OTUD7A: variants seen among roughly 807,000 people sequenced by gnomAD.
OTUD7A encodes the protein OTU domain-containing protein 7A.
In OTUD7A, 12 loss-of-function variants were observed where a neutral mutation model predicts 65.7. The ratio of observed to expected loss-of-function variants is 0.18; its 90% CI spans 0.12 to 0.30. The LOEUF (loss-of-function observed/expected upper bound fraction) is 0.30, where lower values mean the gene tolerates loss of function less well. OTUD7A is among the 10% of genes least tolerant of loss of function. OTUD7A has a pLI of 1.00. For synonymous variants in OTUD7A, 641 were observed against 586.3 expected, an observed-to-expected ratio of 1.09 and a Z score of -1.35; for missense variants, 1,148 against 1,304.8, an observed-to-expected ratio of 0.88 and a Z score of 1.85.
chr15:31,700,428 C>T (rs943828914), intron 1 of OTUD7A, among the ~76,000 whole-genome samples: 18 of 151,940 alleles, frequency 1.2e-4, no homozygotes, highest in Non-Finnish European at 2.4e-4. Flanking sequence ...GCCTTCCTTG[C>T]AAAACTTACC....
intron 3 of OTUD7A, among the ~76,000 whole-genome samples, chr15:31,604,832 T>C (rs1385166811): frequency 6.6e-6 from 1 of 152,126 alleles, no homozygotes; most frequent in Admixed American, 6.5e-5. Flanking sequence ...TCAGGGCTTG[T>C]GGCAAAGCTG....
At chr15:31,789,932 C>T (rs1895770918) in intron 1 of OTUD7A, among the ~76,000 whole-genome samples, 1 of 152,152 alleles carries the variant, frequency 6.6e-6, no homozygotes, top group South Asian at 2.1e-4. Flanking sequence ...CCTACCTGCC[C>T]ATCACTGCCA....
chr15:31,660,097 C>A (rs186551841), intron 1 of OTUD7A, among the ~76,000 whole-genome samples: 3 of 152,284 alleles, frequency 2.0e-5, no homozygotes. Flanking sequence ...GGCAAATGTA[C>A]TGTTCTGGTA....
intron 1 of OTUD7A, among the ~76,000 whole-genome samples, chr15:31,692,749 A>G (rs1395210262): frequency 1.3e-5 from 2 of 151,174 alleles, no homozygotes; most frequent in Non-Finnish European, 2.9e-5. Flanking sequence ...GACCCAGCTC[A>G]AATGCCATGT....
At chr15:31,534,614 C>CT (rs1288161954) in intron 5 of OTUD7A, among the ~76,000 whole-genome samples, 2 of 152,180 alleles carry the variant, frequency 1.3e-5, no homozygotes, top group African/African-American at 4.8e-5. Context: ...AGAGATAACA[C>CT]TATTCTTCTT....
At chr15:31,866,002 T>C (rs4383101) in intron 1 of OTUD7A, among the ~76,000 whole-genome samples, 89,856 of 152,104 alleles carry the variant, frequency 0.59, 26,883 homozygotes, top group East Asian at 0.69. Flanking sequence ...ATAGAAAATA[T>C]TTCCTTGGAA....
At chr15:31,505,536 T>C (rs1179196990) in intron 8 of OTUD7A, among the ~76,000 whole-genome samples, 1 of 152,160 alleles carries the variant, frequency 6.6e-6, no homozygotes, top group Non-Finnish European at 1.5e-5. Flanking sequence ...TCTATTTTAC[T>C]TTTTACAATT....
rs145581747 is a variant in OTUD7A at position 31,796,142 on chromosome 15, CGTGTGTGTGT to C, written c.-100+74355_-100+74364del. 6.1e-5 allele frequency among the ~76,000 whole-genome samples: 9 copies of C among 148,134 alleles called. No individual in the cohort carries two copies. The East Asian group carries it at 1.8e-3, about 29-fold the overall frequency. ...AGAGAAGCAGAACCAGTAAGGGGTG[CGTGTGTGTGT>C]GTGTGTGTGTGTGTATCTATGTATG... On this transcript the variant is annotated intron_variant, in intron 1 of 12. Transcript: ENST00000307050.
intron 4 of OTUD7A, among the ~76,000 whole-genome samples, chr15:31,561,555 C>T (rs1043686424): frequency 5.9e-5 from 9 of 152,126 alleles, no homozygotes; most frequent in Middle Eastern, 3.2e-3. Context: ...CCACATGAGA[C>T]ACTTCGATGG....
At chr15:31,766,456 A>G (rs1895097102) in intron 1 of OTUD7A, 2 of 1,587,536 alleles carry the variant, frequency 1.3e-6, no homozygotes, top group East Asian at 2.2e-5. Context: ...GCTGGAAGTA[A>G]AGAGTCTTCT....
intron 1 of OTUD7A, among the ~76,000 whole-genome samples, chr15:31,731,012 G>A (rs1323120907): frequency 7.2e-5 from 11 of 152,176 alleles, no homozygotes; most frequent in Admixed American, 5.9e-4. Context: ...TAAATCCAAG[G>A]TCCTCTCTTC....
chr15:31,765,247 T>A (rs1448113934), intron 1 of OTUD7A, among the ~76,000 whole-genome samples: 12 of 152,010 alleles, frequency 7.9e-5, no homozygotes, highest in Admixed American at 7.9e-4. Context: ...TATATATAAA[T>A]AGATCAAAAG....
intron 1 of OTUD7A, among the ~76,000 whole-genome samples, chr15:31,682,403 T>C (rs1026327208): frequency 6.6e-6 from 1 of 152,200 alleles, no homozygotes; most frequent in Middle Eastern, 3.4e-3. Context: ...TAAATCTATA[T>C]AGAAAGATAA....
At chr15:31,641,700 T>A (rs939839321) in intron 3 of OTUD7A, among the ~76,000 whole-genome samples, 9 of 152,200 alleles carry the variant, frequency 5.9e-5, no homozygotes, top group African/African-American at 1.9e-4. Flanking sequence ...AAATTTATTT[T>A]AAAAAATAAT....
chr15:31,745,510 C>T (rs888416738), intron 1 of OTUD7A, among the ~76,000 whole-genome samples: 1 of 152,082 alleles, frequency 6.6e-6, no homozygotes, highest in African/African-American at 2.4e-5. Context: ...ACTTCAATTC[C>T]TACCTAATGC....
intron 1 of OTUD7A, among the ~76,000 whole-genome samples, chr15:31,688,488 G>A (rs2455705): frequency 0.9 from 136,308 of 151,662 alleles, 62,550 homozygotes; most frequent in East Asian, 1. Context: ...AAAAAGAGGC[G>A]TAACTGAATT....
At chr15:31,512,761 C>T (rs1353119427) in intron 8 of OTUD7A, among the ~76,000 whole-genome samples, 1 of 152,182 alleles carries the variant, frequency 6.6e-6, no homozygotes, top group African/African-American at 2.4e-5. Flanking sequence ...TGACTTAGTG[C>T]TTGCTTGGAC....
At chr15:31,640,844 G>T (rs1057076599) in intron 3 of OTUD7A, among the ~76,000 whole-genome samples, 1 of 151,928 alleles carries the variant, frequency 6.6e-6, no homozygotes, top group African/African-American at 2.4e-5. Context: ...GCATATGTGT[G>T]TGTATGTGTG....
intron 1 of OTUD7A, among the ~76,000 whole-genome samples, chr15:31,724,006 T>C (rs1352674204): frequency 3.1e-4 from 42 of 135,998 alleles, no homozygotes; most frequent in Non-Finnish European, 5.1e-4. Flanking sequence ...GTTGTTGTTG[T>C]TAATTGGCTC....
Sources: allele counts gnomAD v4.1 joint callset (sites outside exome capture counted in the v4.1 genomes callset), GRCh38; gene constraint gnomAD v4.1.1; transcripts MANE v1.5; gene names NCBI Gene and HGNC (gene_info 2026-07-23, HGNC 2026-07-21).